The following TTC7A variants were observed in gnomAD, a reference collection of about 807,000 sequenced individuals.
TTC7A encodes the protein tetratricopeptide repeat domain 7A.
A neutral mutation model predicts 103.7 loss-of-function variants in TTC7A; 110 were observed. The ratio of observed to expected loss-of-function variants is 1.06; its 90% CI spans 0.91 to 1.24. The LOEUF is 1.24. TTC7A is among the 50% of genes most tolerant of loss of function. The probability of loss-of-function intolerance (pLI) is 0.00; values close to 1 mark genes in which losing one functional copy is unlikely to be tolerated. For synonymous variants in TTC7A, 521 were observed against 467.9 expected (o/e 1.11, Z -1.47); for missense variants, 1,340 against 1,116.3 (o/e 1.20, Z -2.86).
chr2:46,934,353 G>A (rs1669858664), intron 2 of TTC7A, among the ~76,000 whole-genome samples: 1 of 152,160 alleles, frequency 6.6e-6, no homozygotes, highest in African/African-American at 2.4e-5. Flanking sequence ...CTGCCTTCCG[G>A]GTTCAAGCAA....
exon 1 of TTC7A, chr2:46,916,342 A>C (rs1668788825): frequency 4.5e-6 from 1 of 219,880 alleles, no homozygotes; most frequent in Admixed American, 6.5e-5. Context: ...AAGCTGCGGC[A>C]GCCGCTGTCC....
chr2:46,988,777 G>T (rs1237847881), intron 5 of TTC7A, among the ~76,000 whole-genome samples: 1 of 152,222 alleles, frequency 6.6e-6, no homozygotes, highest in Non-Finnish European at 1.5e-5. Flanking sequence ...GCTGGGTCAA[G>T]AGACAGGTGT....
chr2:47,072,071 C>T (rs541506430), intron 19 of TTC7A, among the ~76,000 whole-genome samples: 1 of 152,312 alleles, frequency 6.6e-6, no homozygotes, highest in East Asian at 1.9e-4. Flanking sequence ...GGGCCGTGTT[C>T]CATTGTGAGC....
chr2:46,965,297 T>C (rs1378233144), intron 3 of TTC7A, among the ~76,000 whole-genome samples: 1 of 152,246 alleles, frequency 6.6e-6, no homozygotes, highest in African/African-American at 2.4e-5. Context: ...TACTTGGTTT[T>C]TGTGTTTTTA....
intron 2 of TTC7A, among the ~76,000 whole-genome samples, chr2:46,918,781 T>C (rs541433554): frequency 6.6e-6 from 1 of 152,210 alleles, no homozygotes; most frequent in Non-Finnish European, 1.5e-5. Flanking sequence ...GAGTGTTGCC[T>C]TTTTTAGTAG....
At chr2:46,941,003 G>T (rs1305771199), upstream of TTC7A, among the ~76,000 whole-genome samples, 1 of 151,508 alleles carries the variant, frequency 6.6e-6, no homozygotes, top group Non-Finnish European at 1.5e-5. The surrounding 1 kb of genome is among the most constrained non-coding windows in gnomAD (Gnocchi z 4.2). Context: ...GGGCGCCGGG[G>T]CTCCGCGCGG....
intron 19 of TTC7A, among the ~76,000 whole-genome samples, chr2:47,069,507 G>T (rs1464678910): frequency 6.6e-6 from 1 of 152,116 alleles, no homozygotes; most frequent in Non-Finnish European, 1.5e-5. Flanking sequence ...GCTCTGGGGT[G>T]AACACATCCC....
intron 8 of TTC7A, among the ~76,000 whole-genome samples, chr2:47,003,682 T>C (rs1677080658): frequency 6.6e-6 from 1 of 152,186 alleles, no homozygotes; most frequent in African/African-American, 2.4e-5. Flanking sequence ...GCTCCCATCA[T>C]AACCTCTTGC....
chr2:47,005,925 A>G lies in TTC7A; in HGVS notation c.1069A>G (p.Thr357Ala), dbSNP rs755036732. The G allele has an allele frequency of 6.2e-7, 1 of 1,613,886 alleles. No individual in the cohort carries two copies. The highest frequency in any genetic ancestry group is 1.3e-5 in the African/African-American group (1 of 74,896). Residue 357 changes from threonine to alanine, a missense_variant, in exon 9 of 20, where the codon ACT becomes GCT. Coordinates refer to ENST00000319190, the MANE Select transcript of TTC7A (RefSeq NM_020458.4). ...CCAAACAATGTCCCACCCACAGGCA[A>G]CTCGAGATGTGGTGCTGAGCCGGGT... Reference protein sequence around the residue: ...LLLLISESMATRDVVLSRVPE... With the variant: ...LLLLISESMAARDVVLSRVPE...
At chr2:47,008,763 G>A (rs1467485529) in intron 10 of TTC7A, among the ~76,000 whole-genome samples, 3 of 152,178 alleles carry the variant, frequency 2.0e-5, no homozygotes, top group African/African-American at 7.2e-5. Context: ...GATTATGCCC[G>A]AAAGGCCTTC....
intron 15 of TTC7A, among the ~76,000 whole-genome samples, chr2:47,041,454 A>G (rs1231317515): frequency 2.6e-5 from 4 of 152,156 alleles, no homozygotes; most frequent in Non-Finnish European, 5.9e-5. Flanking sequence ...AATGTCTGAC[A>G]TTAAAAATGC....
intron 2 of TTC7A, among the ~76,000 whole-genome samples, chr2:46,933,208 G>A (rs1669803279): frequency 6.6e-6 from 1 of 152,198 alleles, no homozygotes; most frequent in African/African-American, 2.4e-5. Context: ...AGAATTAAGA[G>A]TCACCTGGGA....
chr2:47,051,214 C>G (rs1682828445), intron 17 of TTC7A, among the ~76,000 whole-genome samples: 1 of 152,230 alleles, frequency 6.6e-6, no homozygotes, highest in African/African-American at 2.4e-5. Context: ...AATTTCACCA[C>G]TTAGACCTTA....
intron 13 of TTC7A, among the ~76,000 whole-genome samples, chr2:47,024,086 G>A (rs373973513): frequency 2.2e-4 from 34 of 152,246 alleles, no homozygotes; most frequent in Middle Eastern, 3.4e-3. Context: ...CAGGCCCACC[G>A]TCCCTGCCTT....
chr2:47,067,067 A>T (rs1684238555), intron 19 of TTC7A, among the ~76,000 whole-genome samples: 1 of 152,206 alleles, frequency 6.6e-6, no homozygotes, highest in African/African-American at 2.4e-5. Flanking sequence ...CCCTCCCAAG[A>T]TAACAGCATC....
At chr2:47,011,456 G>T (rs780285230) in intron 11 of TTC7A, 21 bp downstream of exon 11, 4 of 1,582,734 alleles carry the variant, frequency 2.5e-6, no homozygotes, top group South Asian at 1.1e-5. Flanking sequence ...TGTGAGGGCA[G>T]GTCCCAGAGG....
chr2:46,924,246 A>G (rs868063217), intron 2 of TTC7A, among the ~76,000 whole-genome samples: 16 of 151,784 alleles, frequency 1.1e-4, no homozygotes, highest in South Asian at 6.2e-4. Flanking sequence ...CAAAAAAAAA[A>G]AATCTCAAAG....
intron 17 of TTC7A, among the ~76,000 whole-genome samples, chr2:47,051,305 GT>G (rs1335877572): frequency 6.6e-6 from 1 of 152,028 alleles, no homozygotes; most frequent in Non-Finnish European, 1.5e-5. Flanking sequence ...TAACTTGCTT[GT>G]TTTCACCTAA....
Position 46,941,364 on chromosome 2 carries a change from G to GTGCTGCTGC in TTC7A, c.-165_-157dup, listed in dbSNP as rs997844606. On this transcript the variant is annotated 5_prime_UTR_variant, in exon 1 of 20. Transcript: ENST00000319190. The surrounding 1 kb of genome is among the most constrained non-coding windows in gnomAD (Gnocchi z 4.2). The stretch of plus-strand genomic sequence containing the variant: ...CCGGGCGGTGCGCTGGGAGCTGCTG[G>GTGCTGCTGC]TGCTGCTGCTGCTGCTGCTGCCCAC... 1.0e-5 allele frequency: 4 copies of GTGCTGCTGC among 384,046 alleles called. No individual in the cohort carries two copies. The highest frequency in any genetic ancestry group is 1.6e-5 in the Non-Finnish European group (4 of 255,768). 23.8% of individuals were successfully genotyped at this position (384,046 alleles called of 1,614,324 possible).
Sources: gnomAD v4.1 joint callset for allele counts (sites outside exome capture counted in the v4.1 genomes callset) on GRCh38, gnomAD v4.1.1 for gene constraint, Gnocchi (gnomAD v3.1) non-coding constraint, MANE v1.5 for transcripts, NCBI Gene and HGNC (gene_info 2026-07-23, HGNC 2026-07-21) for gene names.